Variants in NAALADL2 observed in about 807,000 individuals in gnomAD.
The protein encoded by NAALADL2 is N-acetylated alpha-linked acidic dipeptidase like 2.
In NAALADL2, 76 loss-of-function variants were observed where a neutral mutation model predicts 87.2. The observed-to-expected ratio is 0.87, with a 90% CI of 0.72 to 1.05. The LOEUF is 1.05. Among genes scored for constraint, NAALADL2 ranks in the 50% least tolerant of loss-of-function variants. The probability of loss-of-function intolerance (pLI) is 0.00; values close to 1 mark genes in which losing one functional copy is unlikely to be tolerated. For missense variants in NAALADL2, 1,089 were observed against 945.8 expected (o/e 1.15, Z -1.99); for synonymous variants, 354 against 331.0 (o/e 1.07, Z -0.75).
At chr3:175,105,908 G>A (rs17588796) in intron 2 of NAALADL2, among the ~76,000 whole-genome samples, 68,359 of 151,836 alleles carry the variant, frequency 0.45, 15,547 homozygotes, top group East Asian at 0.52. Flanking sequence ...TTCACAAAAG[G>A]TATTTCCATG....
intron 11 of NAALADL2, among the ~76,000 whole-genome samples, chr3:175,697,672 G>A (rs767457826): frequency 2.2e-4 from 33 of 150,596 alleles, no homozygotes; most frequent in Non-Finnish European, 4.0e-4. Flanking sequence ...TTGTCCCAAA[G>A]TTAAGTGTTC....
chr3:175,747,717 A>T (rs145197082), intron 12 of NAALADL2, among the ~76,000 whole-genome samples: 3 of 152,028 alleles, frequency 2.0e-5, no homozygotes, highest in Non-Finnish European at 4.4e-5. Flanking sequence ...ATACAATTTC[A>T]ACTTTCTGCC....
chr3:175,677,413 CATT>C (rs1250999384), intron 11 of NAALADL2, among the ~76,000 whole-genome samples: 1 of 148,834 alleles, frequency 6.7e-6, no homozygotes, highest in East Asian at 2.0e-4. Flanking sequence ...ATTTTTTTAT[CATT>C]ATTATTATTA....
chr3:175,463,368 G>A (rs1262051100), intron 6 of NAALADL2, 33 bp from the exon 7 acceptor site: 8 of 1,300,034 alleles, frequency 6.2e-6, no homozygotes, highest in Non-Finnish European at 8.5e-6. Context: ...AAAATATAAA[G>A]AAGCAAAAGT....
chr3:175,483,142 A>G (rs1322459744), intron 9 of NAALADL2, among the ~76,000 whole-genome samples: 1 of 151,922 alleles, frequency 6.6e-6, no homozygotes, highest in East Asian at 1.9e-4. Context: ...GTTATATATA[A>G]TAACATATAT....
Position 175,097,264 on chromosome 3 carries a change from A to G in NAALADL2, c.518A>G (p.Gln173Arg), listed in dbSNP as rs747394359. The G allele has an allele frequency of 6.8e-6, 11 of 1,610,988 alleles. No homozygotes were observed. Among genetic ancestry groups the G allele is most frequent in the Non-Finnish European group, 9.3e-6 (11 of 1,178,364 alleles). The change falls in exon 2 of 14, where the codon CAG becomes CGG. Residue 173 changes from glutamine (Q) to arginine (R), a missense_variant. Transcript: ENST00000454872. ...QLYQEILKTI[Q>R]AEDIKKSFRN... Reference sequence around the variant, plus strand: ...TATCAAGAGATTCTCAAGACAATCCAGGCAGAAGATATTAAGAAGTCTTTC... The same window carrying G: ...TATCAAGAGATTCTCAAGACAATCCGGGCAGAAGATATTAAGAAGTCTTTC...
At chr3:175,555,200 T>G (rs1221023678) in intron 9 of NAALADL2, among the ~76,000 whole-genome samples, 1 of 152,202 alleles carries the variant, frequency 6.6e-6, no homozygotes, top group African/African-American at 2.4e-5. Flanking sequence ...ACTGTTTGGC[T>G]CCATGTATGT....
intron 1 of NAALADL2, among the ~76,000 whole-genome samples, chr3:174,908,063 T>A (rs991297200): frequency 1.4e-5 from 2 of 147,642 alleles, no homozygotes; most frequent in Non-Finnish European, 3.0e-5. Context: ...ATAAAATAAT[T>A]TCCTTTATCT....
At chr3:175,011,416 A>G (rs756546401) in intron 1 of NAALADL2, among the ~76,000 whole-genome samples, 1 of 152,210 alleles carries the variant, frequency 6.6e-6, no homozygotes, top group Non-Finnish European at 1.5e-5. Context: ...CTTTCCATGT[A>G]AAAATTCAGA....
intron 3 of NAALADL2, among the ~76,000 whole-genome samples, chr3:174,793,001 C>T (rs1717645532): frequency 6.6e-6 from 1 of 151,962 alleles, no homozygotes; most frequent in South Asian, 2.1e-4. Context: ...CTTTATCTTC[C>T]TACAAAATAT....
At chr3:175,648,171 A>G (rs1730271224) in intron 11 of NAALADL2, among the ~76,000 whole-genome samples, 1 of 152,144 alleles carries the variant, frequency 6.6e-6, no homozygotes, top group Admixed American at 6.5e-5. Flanking sequence ...AAACACTTAT[A>G]ACAAGTTCCA....
At chr3:175,698,620 C>A (rs1738531975) in intron 11 of NAALADL2, among the ~76,000 whole-genome samples, 2 of 150,198 alleles carry the variant, frequency 1.3e-5, no homozygotes, top group African/African-American at 4.9e-5. Flanking sequence ...ATACAGCCCA[C>A]CTTTTTGATA....
At chr3:175,132,010 C>G (rs1728049406) in intron 2 of NAALADL2, among the ~76,000 whole-genome samples, 1 of 129,084 alleles carries the variant, frequency 7.7e-6, no homozygotes, top group Non-Finnish European at 1.7e-5. Context: ...ACCCCCCCAC[C>G]TCCCTCCCGG....
Position 174,638,787 on chromosome 3 carries a change from A to G in NAALADL2, c.-115+88150A>G, listed in dbSNP as rs375618457. On this transcript the variant is annotated intron_variant, in intron 2 of 3. Transcript: ENST00000434257. ...AATTTTCCAATAAATACTTAGGGAGAGACACTTTAATGTATTCATTCTTGA... is the reference window on the plus strand; with the variant it reads ...AATTTTCCAATAAATACTTAGGGAGGGACACTTTAATGTATTCATTCTTGA... Among the ~76,000 whole-genome samples the G allele has an allele frequency of 1.6e-4, 25 of 152,336 alleles. No homozygotes were observed. The East Asian group carries it at 4.4e-3, about 27-fold the overall frequency.
chr3:174,891,107 T>G (rs988000535), intron 1 of NAALADL2, among the ~76,000 whole-genome samples: 1 of 152,264 alleles, frequency 6.6e-6, no homozygotes. Flanking sequence ...CAAGGAGGTC[T>G]TCAGTAATAA....
chr3:174,622,351 T>G (rs1354224853), intron 2 of NAALADL2, among the ~76,000 whole-genome samples: 1 of 152,336 alleles, frequency 6.6e-6, no homozygotes, highest in Admixed American at 6.5e-5. Context: ...CTTGGATTGA[T>G]AAAAGGATTA....
chr3:175,587,065 C>T (rs1330488348), intron 10 of NAALADL2, among the ~76,000 whole-genome samples: 2 of 152,124 alleles, frequency 1.3e-5, no homozygotes, highest in Non-Finnish European at 2.9e-5. Context: ...GTAGTGGGTC[C>T]ACGGATGTGC....
At chr3:175,151,969 T>C (rs559788436) in intron 2 of NAALADL2, among the ~76,000 whole-genome samples, 31 of 152,340 alleles carry the variant, frequency 2.0e-4, no homozygotes, top group African/African-American at 7.2e-4. Flanking sequence ...ATGTCTACTA[T>C]AGTAATGCCA....
chr3:175,234,433 T>G (rs994783293), intron 3 of NAALADL2, among the ~76,000 whole-genome samples: 1 of 152,220 alleles, frequency 6.6e-6, no homozygotes, highest in Non-Finnish European at 1.5e-5. Context: ...AGGTGTTGAA[T>G]GTGTGACTGA....
Sources: gnomAD v4.1 joint callset for allele counts (sites outside exome capture counted in the v4.1 genomes callset) on GRCh38, gnomAD v4.1.1 for gene constraint, MANE v1.5 for transcripts, NCBI Gene and HGNC (gene_info 2026-07-23, HGNC 2026-07-21) for gene names.